Variants in SLC16A5 observed in about 807,000 individuals in gnomAD.
SLC16A5 encodes solute carrier family 16 member 5.
Under a neutral mutation model 33.2 loss-of-function variants are expected in SLC16A5, and 29 were observed. The observed-to-expected ratio is 0.87, with a 90% CI of 0.65 to 1.19. SLC16A5 has a LOEUF of 1.19. Ranked by LOEUF, SLC16A5 falls within the 50% of genes most tolerant of loss-of-function variation. The probability of loss-of-function intolerance (pLI) is 0.00; values close to 1 mark genes in which losing one functional copy is unlikely to be tolerated. For synonymous variants in SLC16A5, 248 were observed against 284.1 expected, an observed-to-expected ratio of 0.87 and a Z score of 1.28; for missense variants, 606 against 678.2, an observed-to-expected ratio of 0.89 and a Z score of 1.18.
intron 6 of SLC16A5, chr17:75,104,401 T>G: frequency 1.5e-6 from 2 of 1,338,714 alleles, no homozygotes; most frequent in Non-Finnish European, 1.9e-6. Flanking sequence ...CCTCTGAAGA[T>G]GCCCTGAGAA....
At position 75,093,548 on chromosome 17, in the gene SLC16A5, C is replaced by T. The variant is rs533167898; in HGVS notation, c.-48-41C>T. The T allele has an allele frequency of 1.9e-5, 30 of 1,544,188 alleles. No individual in the cohort carries two copies. In the East Asian group the frequency reaches 7.3e-4, roughly 37 times the overall value. On this transcript the variant is annotated intron_variant, in intron 2 of 6. Coordinates refer to ENST00000329783, the MANE Select transcript of SLC16A5 (RefSeq NM_004695.4). ...TGGCAGGTGGGCCAGGAGAGACGGA[C>T]AGCCTGCTGACCACCAGGCTCCATT...
chr17:75,090,853 G>T (rs2073628804), intron 2 of SLC16A5, among the ~76,000 whole-genome samples: 1 of 152,132 alleles, frequency 6.6e-6, no homozygotes, highest in South Asian at 2.1e-4. Context: ...GGAACAGCCA[G>T]CTCCACTGAA....
chr17:75,103,204 T>G (rs1230143326), intron 5 of SLC16A5, among the ~76,000 whole-genome samples: 1 of 151,978 alleles, frequency 6.6e-6, no homozygotes, highest in East Asian at 1.9e-4. Flanking sequence ...TTTTGTATTT[T>G]TAGTGGAGAC....
chr17:75,104,533 C>T (rs1213934671), intron 6 of SLC16A5: 18 of 926,120 alleles, frequency 1.9e-5, no homozygotes, highest in Non-Finnish European at 2.4e-5. Flanking sequence ...GATTCTCCTG[C>T]CTCTGCCCCC....
intron 6 of SLC16A5, chr17:75,104,775 C>A (rs546834922): frequency 1.0e-6 from 1 of 985,168 alleles, no homozygotes; most frequent in African/African-American, 1.7e-5. Flanking sequence ...TAACAACTAG[C>A]GGAATCCAGG....
intron 1 of SLC16A5, among the ~76,000 whole-genome samples, chr17:75,088,456 G>A (rs2073596974): frequency 6.6e-6 from 1 of 152,186 alleles, no homozygotes; most frequent in Non-Finnish European, 1.5e-5. Flanking sequence ...GTGAATATGG[G>A]GGGATAAGGG....
At chr17:75,102,386 CGA>C (rs1391146397) in intron 5 of SLC16A5, among the ~76,000 whole-genome samples, 2 of 151,570 alleles carry the variant, frequency 1.3e-5, no homozygotes, top group African/African-American at 4.9e-5. Context: ...CCAGCCTGGG[CGA>C]CAGAGTGAAA....
chr17:75,099,029 G>A (rs560368691), intron 4 of SLC16A5, among the ~76,000 whole-genome samples: 42 of 152,260 alleles, frequency 2.8e-4, no homozygotes, highest in Non-Finnish European at 5.0e-4. Context: ...CTGAGGCCAC[G>A]GTCACACATG....
intron 6 of SLC16A5, chr17:75,104,413 CTCTTT>C (rs1475784656): frequency 9.8e-7 from 1 of 1,015,306 alleles, no homozygotes. Flanking sequence ...CCCTGAGAAA[CTCTTT>C]TTTTTTTTTT....
chr17:75,093,899 C>G (rs530633837), intron 3 of SLC16A5, 64 bp downstream of exon 3: 212 of 1,556,852 alleles, frequency 1.4e-4, no homozygotes, highest in Non-Finnish European at 1.8e-4. Context: ...CACAACCTCC[C>G]TGGCCTTCTG....
At chr17:75,087,595 A>G (rs2073584784), upstream of SLC16A5, 2 of 152,390 alleles carry the variant, frequency 1.3e-5, no homozygotes, top group Admixed American at 6.5e-5. Flanking sequence ...GGGCAGGGAA[A>G]ACGCAGAAAG....
In SLC16A5 at chr17:75,100,688, T is replaced by A. The variant is rs1198178233; in HGVS notation, c.1025T>A (p.Met342Lys). 6.2e-7 allele frequency: 1 copy of A among 1,614,206 alleles called. No homozygotes were observed. Among genetic ancestry groups the A allele is most frequent in the Non-Finnish European group, 8.5e-7 (1 of 1,180,034 alleles). ...VGYCLAYSVS[M>K]SGIGALIFQV... ...TACTGCCTGGCGTACAGCGTGTCCA[T>A]GAGTGGCATCGGCGCCCTCATCTTC... is the stretch of plus-strand genomic sequence containing the variant. Residue 342 changes from methionine (M) to lysine (K), a missense_variant, in exon 5 of 7, where the codon ATG becomes AAG. Met to Lys is a moderately conservative substitution (Grantham distance 95). Coordinates refer to ENST00000329783, the MANE Select transcript of SLC16A5 (RefSeq NM_004695.4).
rs764987359 is a variant in SLC16A5 at position 75,105,938 on chromosome 17, C to T, written c.1423C>T (p.Pro475Ser). The change falls in exon 7 of 7, where the codon CCT becomes TCT. Residue 475 changes from proline to serine, a missense_variant. Transcript: ENST00000329783. ...CGTCAATAAGCATCTTTGGGGATGT[C>T]CTGCCTCCTCCAGGACCAGCCATGA... Reference protein sequence around the residue: ...AGVNKHLWGCPASSRTSHEWL... With the variant: ...AGVNKHLWGCSASSRTSHEWL... The T allele has an allele frequency of 6.2e-7, 1 of 1,612,242 alleles. No homozygotes were observed. Among genetic ancestry groups the T allele is most frequent in the Non-Finnish European group, 8.5e-7 (1 of 1,178,826 alleles).
chr17:75,104,984 T>C (rs1022507679), intron 6 of SLC16A5: 4 of 985,454 alleles, frequency 4.1e-6, no homozygotes, highest in Non-Finnish European at 4.8e-6. Flanking sequence ...CTGGCCTCCA[T>C]ACCGTTCTGA....
At chr17:75,109,302 A>C (rs117569573), downstream of SLC16A5, among the ~76,000 whole-genome samples, 2,676 of 152,144 alleles carry the variant, frequency 0.018, 36 homozygotes, top group Non-Finnish European at 0.03. The surrounding 1 kb of genome is among the most constrained non-coding windows in gnomAD (Gnocchi z 5.0). Flanking sequence ...GTACCCTTTG[A>C]TTTCTGTCCA....
downstream of SLC16A5, among the ~76,000 whole-genome samples, chr17:75,109,113 C>T (rs2073885521): frequency 6.6e-6 from 1 of 152,122 alleles, no homozygotes; most frequent in African/African-American, 2.4e-5. This position sits in a 1 kb window ranked among gnomAD's most constrained non-coding sequence, Gnocchi z 5.0. Flanking sequence ...TTCCTGTAAC[C>T]ACGAGCAATC....
At chr17:75,099,819 TG>T in intron 4 of SLC16A5, 187 bp from the exon 5 acceptor site, 1 of 604,322 alleles carries the variant, frequency 1.7e-6, no homozygotes, top group Non-Finnish European at 2.9e-6. Context: ...AGGGCAGATC[TG>T]GGGTGGGGTG....
chr17:75,102,194 A>G (rs903972430), intron 5 of SLC16A5, among the ~76,000 whole-genome samples: 3 of 152,136 alleles, frequency 2.0e-5, no homozygotes, highest in Admixed American at 6.6e-5. Context: ...CATGGGGATC[A>G]AAAGGTCTCC....
chr17:75,092,854 T>TGTGTGA (rs1555645066), intron 2 of SLC16A5, among the ~76,000 whole-genome samples: 4 of 150,916 alleles, frequency 2.7e-5, no homozygotes, highest in Non-Finnish European at 4.4e-5. Flanking sequence ...TGTGTGTGTG[T>TGTGTGA]GTGTGTTTAT....
Sources: gnomAD v4.1 joint callset for allele counts (sites outside exome capture counted in the v4.1 genomes callset) on GRCh38, gnomAD v4.1.1 for gene constraint, Gnocchi (gnomAD v3.1) non-coding constraint, MANE v1.5 for transcripts, NCBI Gene and HGNC (gene_info 2026-07-23, HGNC 2026-07-21) for gene names.